The following AGBL1 variants were observed in gnomAD, a reference collection of about 807,000 sequenced individuals.
AGBL1 encodes AGBL carboxypeptidase 1, also known as cytosolic carboxypeptidase 4.
Under a neutral mutation model 118.9 loss-of-function variants are expected in AGBL1, and 130 were observed. The ratio of observed to expected loss-of-function variants is 1.09; its 90% CI spans 0.95 to 1.26. AGBL1 has a LOEUF of 1.26. Ranked by LOEUF, AGBL1 falls within the 50% of genes most tolerant of loss-of-function variation. The probability of loss-of-function intolerance (pLI) is 0.00; values close to 1 mark genes in which losing one functional copy is unlikely to be tolerated. For missense variants in AGBL1, 1,584 were observed against 1,298.1 expected (o/e 1.22, Z -3.38); for synonymous variants, 555 against 478.9 (o/e 1.16, Z -2.08).
intron 21 of AGBL1, among the ~76,000 whole-genome samples, chr15:86,660,824 G>A (rs2085526447): frequency 6.6e-6 from 1 of 152,022 alleles, no homozygotes; most frequent in Non-Finnish European, 1.5e-5. Context: ...ATGTATATTA[G>A]CCTCTCTTCC....
intron 17 of AGBL1, among the ~76,000 whole-genome samples, chr15:86,349,758 T>C (rs1341629361): frequency 2.0e-5 from 3 of 152,202 alleles, no homozygotes; most frequent in Non-Finnish European, 4.4e-5. Flanking sequence ...GATGTCTGTG[T>C]AAATCCTGTC....
At chr15:86,087,545 G>A (rs1476412223) in intron 1 of AGBL1, among the ~76,000 whole-genome samples, 1 of 152,072 alleles carries the variant, frequency 6.6e-6, no homozygotes, top group Non-Finnish European at 1.5e-5. Flanking sequence ...GCCAGAGCTG[G>A]TCTGGAACTC....
intron 23 of AGBL1, among the ~76,000 whole-genome samples, chr15:86,950,883 A>C (rs113892080): frequency 6.6e-5 from 10 of 152,238 alleles, no homozygotes; most frequent in African/African-American, 2.4e-4. Context: ...AAACACTACA[A>C]TCCCCTTAGA....
chr15:86,407,851 T>C (rs899666848), intron 18 of AGBL1, among the ~76,000 whole-genome samples: 5 of 152,106 alleles, frequency 3.3e-5, no homozygotes, highest in African/African-American at 1.2e-4. Flanking sequence ...GGGGGAATGA[T>C]TCCCTTTCCC....
At chr15:86,933,827 T>C (rs2141639897) in intron 23 of AGBL1, among the ~76,000 whole-genome samples, 1 of 152,320 alleles carries the variant, frequency 6.6e-6, no homozygotes, top group Non-Finnish European at 1.5e-5. Context: ...TAACATAGGC[T>C]CCCTTGCCGG....
At chr15:86,923,820 A>C (rs8024539) in intron 23 of AGBL1, among the ~76,000 whole-genome samples, 88,512 of 152,016 alleles carry the variant, frequency 0.58, 26,317 homozygotes, top group East Asian at 0.66. Flanking sequence ...CTAATTGAGG[A>C]TTAACAAAGT....
chr15:86,206,899 G>C (rs1245748877), intron 5 of AGBL1, among the ~76,000 whole-genome samples: 4 of 152,170 alleles, frequency 2.6e-5, no homozygotes, highest in East Asian at 3.8e-4. Flanking sequence ...CCTGTGTCCT[G>C]ATTGGTATTG....
chr15:86,308,204 A>G (rs1040778586), intron 17 of AGBL1, among the ~76,000 whole-genome samples: 10 of 152,182 alleles, frequency 6.6e-5, no homozygotes, highest in Non-Finnish European at 1.2e-4. Flanking sequence ...CTATGTATGA[A>G]TTTAGGTCAG....
chr15:86,683,263 A>C (rs941583707), intron 22 of AGBL1, among the ~76,000 whole-genome samples: 2 of 152,202 alleles, frequency 1.3e-5, no homozygotes, highest in Non-Finnish European at 2.9e-5. Flanking sequence ...TTTAAAACTC[A>C]AACGACTTGG....
chr15:86,186,924 C>G (rs1257842657), intron 5 of AGBL1, among the ~76,000 whole-genome samples: 1 of 152,206 alleles, frequency 6.6e-6, no homozygotes, highest in East Asian at 1.9e-4. Flanking sequence ...ATTCCACACT[C>G]TCTTCATTAT....
chr15:86,865,231 G>T (rs1194916663), intron 22 of AGBL1, among the ~76,000 whole-genome samples: 1 of 152,226 alleles, frequency 6.6e-6, no homozygotes, highest in Non-Finnish European at 1.5e-5. Flanking sequence ...TTCATCGACA[G>T]CCCTGTGGGA....
At chr15:86,384,494 C>G (rs775187501) in intron 17 of AGBL1, among the ~76,000 whole-genome samples, 29 of 152,078 alleles carry the variant, frequency 1.9e-4, no homozygotes, top group Admixed American at 3.9e-4. Context: ...CAAACCCAAC[C>G]CAAATACTTT....
At chr15:86,920,774 G>A (rs1392497586), downstream of AGBL1, among the ~76,000 whole-genome samples, 1 of 152,138 alleles carries the variant, frequency 6.6e-6, no homozygotes, top group African/African-American at 2.4e-5. Context: ...GTTGTGATTT[G>A]AACTCGACAA....
downstream of AGBL1, among the ~76,000 whole-genome samples, chr15:86,917,353 G>A (rs759403888): frequency 3.9e-5 from 6 of 152,118 alleles, no homozygotes; most frequent in Non-Finnish European, 8.8e-5. This position sits in a 1 kb window ranked among gnomAD's most constrained non-coding sequence, Gnocchi z 4.8. Context: ...TCAGCATTTG[G>A]GGCCCAGCTT....
In AGBL1 at chr15:86,191,363, A is replaced by G. The variant is rs940541940; in HGVS notation, c.488+32337A>G. Among the ~76,000 whole-genome samples, 13 of 150,680 alleles carry G rather than the reference A, an allele frequency of 8.6e-5. No individual in the cohort carries two copies. The South Asian group carries it at 2.8e-3, about 32-fold the overall frequency. ...AACTTTGTCTCAAAAAAAAAAAAAA[A>G]AAAAAAAGAGAGAGAGAGAAATTAA... is the stretch of plus-strand genomic sequence containing the variant. On this transcript the variant is annotated intron_variant, in intron 5 of 22. Coordinates refer to ENST00000614907, the MANE Select transcript of AGBL1 (RefSeq NM_001386094.1).
chr15:86,579,206 C>T (rs763489214), intron 21 of AGBL1, among the ~76,000 whole-genome samples: 1 of 152,146 alleles, frequency 6.6e-6, no homozygotes, highest in Non-Finnish European at 1.5e-5. Context: ...GCAGTTATTG[C>T]ATTACGTTGC....
chr15:86,598,147 A>G (rs745368715), intron 21 of AGBL1, among the ~76,000 whole-genome samples: 2 of 152,110 alleles, frequency 1.3e-5, no homozygotes, highest in Non-Finnish European at 2.9e-5. Context: ...GGTTTCAGAT[A>G]TTCACTGCTA....
chr15:86,413,240 T>C (rs570532497), intron 18 of AGBL1, among the ~76,000 whole-genome samples: 2 of 152,156 alleles, frequency 1.3e-5, no homozygotes, highest in East Asian at 3.9e-4. Flanking sequence ...AATATTAGAG[T>C]TGAATTTGAA....
At chr15:86,921,887 C>T (rs774445432) in intron 23 of AGBL1, among the ~76,000 whole-genome samples, 6 of 152,242 alleles carry the variant, frequency 3.9e-5, no homozygotes, top group Admixed American at 6.5e-5. Flanking sequence ...GATCTAGTAA[C>T]GACATTTGAG....
Sources: allele counts gnomAD v4.1 joint callset (sites outside exome capture counted in the v4.1 genomes callset), GRCh38; gene constraint gnomAD v4.1.1; non-coding constraint Gnocchi (gnomAD v3.1); transcripts MANE v1.5; gene names NCBI Gene and HGNC (gene_info 2026-07-23, HGNC 2026-07-21).